Variants in ARHGEF18 observed in about 807,000 individuals in gnomAD.
The protein encoded by ARHGEF18 is Rho/Rac guanine nucleotide exchange factor 18.
Under a neutral mutation model 155.7 loss-of-function variants are expected in ARHGEF18, and 93 were observed. The observed-to-expected ratio is 0.60, with a 90% CI of 0.50 to 0.71. The LOEUF (loss-of-function observed/expected upper bound fraction) is 0.71, where lower values mean the gene tolerates loss of function less well. Among genes scored for constraint, ARHGEF18 ranks in the 30% least tolerant of loss-of-function variants. The pLI is 0.00. For synonymous variants in ARHGEF18, 742 were observed against 753.1 expected (o/e 0.99, Z 0.24); for missense variants, 1,593 against 1,816.1 (o/e 0.88, Z 2.23).
At chr19:7,420,154 G>A (rs373875393) in intron 10 of ARHGEF18, among the ~76,000 whole-genome samples, 1 of 152,172 alleles carries the variant, frequency 6.6e-6, no homozygotes, top group Non-Finnish European at 1.5e-5. Flanking sequence ...GGGTCTTGCT[G>A]TATTGTCCAG....
intron 5 of ARHGEF18, among the ~76,000 whole-genome samples, 177 bp downstream of exon 5, chr19:7,376,934 G>A (rs1274666505): frequency 6.6e-6 from 1 of 152,170 alleles, no homozygotes; most frequent in Non-Finnish European, 1.5e-5. Context: ...GGCAGGGACT[G>A]AGCAGAACGC....
At chr19:7,474,754 AGTGTGTGTGTGTGTGT>A (rs3219570), downstream of ARHGEF18, among the ~76,000 whole-genome samples, 1 of 141,970 alleles carries the variant, frequency 7.0e-6, no homozygotes, top group Admixed American at 7.0e-5. Flanking sequence ...TGGGCATTGG[AGTGTGTGTGTGTGTGT>A]GTGTGTGTGT....
At chr19:7,438,200 A>G (rs999771975) in intron 10 of ARHGEF18, among the ~76,000 whole-genome samples, 4 of 150,720 alleles carry the variant, frequency 2.7e-5, no homozygotes, top group African/African-American at 9.8e-5. Context: ...TCCTGGGCTC[A>G]AGCAATCCTA....
intron 10 of ARHGEF18, among the ~76,000 whole-genome samples, chr19:7,409,304 C>A (rs562843385): frequency 7.2e-6 from 1 of 138,072 alleles, no homozygotes; most frequent in Non-Finnish European, 1.5e-5. Context: ...TGTGATCCAC[C>A]GCGTCCGGCC....
intron 10 of ARHGEF18, among the ~76,000 whole-genome samples, chr19:7,394,551 C>T (rs1031639402): frequency 6.6e-6 from 1 of 152,002 alleles, no homozygotes; most frequent in Non-Finnish European, 1.5e-5. Flanking sequence ...CCTTGGGGTC[C>T]CCTTAACCCC....
rs568740656 is a variant in ARHGEF18, at chr19:7,467,525, C to T, written c.3321C>T (p.Ala1107=). The T allele has an allele frequency of 7.0e-7, 1 of 1,437,600 alleles. No homozygotes were observed. The highest frequency in any genetic ancestry group is 2.5e-4 in the Middle Eastern group (1 of 4,004). The allele number at this position is 1,437,600 out of a possible 1,614,324, so 89.1% of individuals were successfully genotyped here. The change falls in exon 26 of 29, where the codon GCC becomes GCT. Residue 1107 remains alanine (A), a synonymous_variant. Coordinates refer to ENST00000668164, the MANE Select transcript of ARHGEF18 (RefSeq NM_001367823.1). ...GCGAGCGGCTGGAGCAGGAGCGGGCCGAGCTGGAGCGCCAGCGCCAGGCCT... is the reference window on the plus strand; with the variant it reads ...GCGAGCGGCTGGAGCAGGAGCGGGCTGAGCTGGAGCGCCAGCGCCAGGCCT... ...QLRERLEQER[A]ELERQRQAYQ... is the part of the protein sequence containing the mutation.
intron 10 of ARHGEF18, among the ~76,000 whole-genome samples, chr19:7,407,501 G>C (rs531379793): frequency 1.7e-4 from 26 of 151,814 alleles, no homozygotes; most frequent in African/African-American, 5.8e-4. Context: ...GCAATTTCAA[G>C]CGTCTGGAAT....
In ARHGEF18 at chr19:7,467,659, C is replaced by A; in HGVS notation, c.3455C>A (p.Ala1152Glu). 1 of 1,512,644 alleles carries A rather than the reference C, an allele frequency of 6.6e-7. No individual in the cohort carries two copies. Among genetic ancestry groups the A allele is most frequent in the Non-Finnish European group, 8.8e-7 (1 of 1,138,348 alleles). 93.7% of individuals were successfully genotyped at this position (1,512,644 alleles called of 1,614,324 possible). A position where few individuals can be genotyped will look rare whatever the true frequency, so the allele number is the denominator to read the frequency against. Residue 1152 changes from alanine to glutamate, a missense_variant, in exon 26 of 29, where the codon GCG becomes GAG. Coordinates refer to ENST00000668164, the MANE Select transcript of ARHGEF18 (RefSeq NM_001367823.1). ...AAGAAGCAGAACACCGCGCCAGGCG[C>A]GCTGCCGCCCGACACACTGGCCGAG... ...RLKKQNTAPG[A>E]LPPDTLAEAQ...
chr19:7,448,372 C>T (rs1400558077), intron 15 of ARHGEF18, among the ~76,000 whole-genome samples: 3 of 152,092 alleles, frequency 2.0e-5, no homozygotes, highest in Non-Finnish European at 4.4e-5. Context: ...AAAAATTAGC[C>T]AGGCGTAGGC....
In ARHGEF18 at chr19:7,464,682, C is replaced by T. The variant is rs1976507511; in HGVS notation, c.2896C>T (p.Pro966Ser). Residue 966 changes from proline to serine, a missense_variant, in exon 23 of 29, where the codon CCG (proline) becomes TCG (serine). By Grantham distance (74) the Pro-to-Ser change is moderately conservative. Coordinates refer to ENST00000668164, the MANE Select transcript of ARHGEF18 (RefSeq NM_001367823.1). Reference protein sequence around the residue: ...SDIPGSSEESPQVVEAPGTES... With the variant: ...SDIPGSSEESSQVVEAPGTES... ...CATTCCTGGGAGCTCTGAGGAATCG[C>T]CGCAGGTGGTACGTGGATATCCATT... The T allele has an allele frequency of 6.2e-7, 1 of 1,613,880 alleles. No homozygotes were observed. Among genetic ancestry groups the T allele is most frequent in the Non-Finnish European group, 8.5e-7 (1 of 1,180,004 alleles).
At chr19:7,442,621 C>T (rs1600459200) in intron 13 of ARHGEF18, among the ~76,000 whole-genome samples, 1 of 152,224 alleles carries the variant, frequency 6.6e-6, no homozygotes, top group Non-Finnish European at 1.5e-5. Context: ...TGTTATAATA[C>T]GTCCCTGTGA....
downstream of ARHGEF18, among the ~76,000 whole-genome samples, chr19:7,475,207 A>G (rs976833162): frequency 6.6e-6 from 1 of 152,170 alleles, no homozygotes; most frequent in Non-Finnish European, 1.5e-5. Context: ...ACTCCAGCCT[A>G]GGCGACAGAG....
intron 10 of ARHGEF18, among the ~76,000 whole-genome samples, chr19:7,409,771 T>TC (rs978933226): frequency 7.0e-5 from 10 of 143,190 alleles, no homozygotes; most frequent in South Asian, 6.6e-4. Flanking sequence ...TTTCTTTCTT[T>TC]TTTTTTTTTT....
Position 7,441,648 on chromosome 19 carries a change from C to G in ARHGEF18, c.1107-5C>G, listed in dbSNP as rs1371010946. The G allele has an allele frequency of 6.2e-7, 1 of 1,612,734 alleles. No individual in the cohort carries two copies. Among genetic ancestry groups the G allele is most frequent in the Non-Finnish European group, 8.5e-7 (1 of 1,178,878 alleles). On this transcript the variant is annotated splice_region_variant and splice_polypyrimidine_tract_variant and intron_variant, in intron 11 of 28. Transcript: ENST00000668164. The stretch of plus-strand genomic sequence containing the variant: ...AAAACAATTGTTTTTATTGTTTGCA[C>G]TCAGACCAATCACAGGAGAGATGGA...
rs149382324 is a variant in ARHGEF18, at chr19:7,458,580, G to A, written c.2250G>A (p.Ala750=). 231 of 1,614,016 alleles carry A rather than the reference G, an allele frequency of 1.4e-4. No homozygotes were observed. The highest frequency in any genetic ancestry group is 8.1e-5 in the Non-Finnish European group (96 of 1,180,042). ...IVREVANEEK[A]MFLISASLQG... ...GGGAAGTGGCCAACGAGGAGAAAGC[G>A]ATGTTTCTGATCAGCGCCTCCTTGC... is the stretch of plus-strand genomic sequence containing the variant. Residue 750 remains alanine, a synonymous_variant, in exon 19 of 29, where the codon GCG becomes GCA. Coordinates refer to ENST00000668164, the MANE Select transcript of ARHGEF18 (RefSeq NM_001367823.1).
intron 23 of ARHGEF18, among the ~76,000 whole-genome samples, chr19:7,465,185 A>G (rs1976536688): frequency 1.3e-5 from 2 of 152,140 alleles, no homozygotes; most frequent in Non-Finnish European, 2.9e-5. Flanking sequence ...CCTCATAGCC[A>G]AGCCCACTCT....
rs759584582 is a variant in ARHGEF18 at position 7,444,143 on chromosome 19, C to T, written c.1361-61C>T. The stretch of plus-strand genomic sequence containing the variant: ...GCACGTGAAGGGCAGGCAGCACCCA[C>T]GACTGCCCAGCGGGGCCGTGGAGCC... On this transcript the variant is annotated intron_variant, in intron 13 of 28. Coordinates refer to ENST00000668164, the MANE Select transcript of ARHGEF18 (RefSeq NM_001367823.1). This position sits in a 1 kb window ranked among gnomAD's most constrained non-coding sequence, Gnocchi z 4.7. 7.3e-5 allele frequency: 116 copies of T among 1,586,648 alleles called. No homozygotes were observed. Among genetic ancestry groups the T allele is most frequent in the Middle Eastern group, 6.2e-4 (3 of 4,848 alleles).
chr19:7,380,613 G>A (rs1970691579), intron 7 of ARHGEF18, among the ~76,000 whole-genome samples: 1 of 151,742 alleles, frequency 6.6e-6, no homozygotes, highest in Non-Finnish European at 1.5e-5. Flanking sequence ...AAGCCCCGGA[G>A]GTCGAGGCTG....
chr19:7,364,695 G>A (rs1221710970), intron 2 of ARHGEF18, among the ~76,000 whole-genome samples: 1 of 152,166 alleles, frequency 6.6e-6, no homozygotes, highest in Non-Finnish European at 1.5e-5. Context: ...TCGTGGCAAA[G>A]GTCCTGGTGA....
Sources: allele counts gnomAD v4.1 joint callset (sites outside exome capture counted in the v4.1 genomes callset), GRCh38; gene constraint gnomAD v4.1.1; non-coding constraint Gnocchi (gnomAD v3.1); transcripts MANE v1.5; gene names NCBI Gene and HGNC (gene_info 2026-07-23, HGNC 2026-07-21).